The following ZNF514 variants were observed in gnomAD, a reference collection of about 807,000 sequenced individuals.
ZNF514 encodes zinc finger protein 514.
ZNF514 carries 12 observed loss-of-function variants against 9.7 expected under a neutral mutation model. That is an observed-to-expected ratio of 1.24 (90% CI 0.79 to 2.01). The LOEUF is 2.01. Among genes scored for constraint, ZNF514 ranks in the 30% most tolerant of loss-of-function variants. The probability of loss-of-function intolerance (pLI) is 0.00; values close to 1 mark genes in which losing one functional copy is unlikely to be tolerated. For synonymous variants in ZNF514, 158 were observed against 163.7 expected (o/e 0.97, Z 0.27); for missense variants, 467 against 465.5 (o/e 1.00, Z -0.03).
In ZNF514 at chr2:95,152,769, C is replaced by T. The variant is rs1673579192; in HGVS notation, c.122G>A (p.Gly41Asp). 1.2e-6 allele frequency: 2 copies of T among 1,613,738 alleles called. No individual in the cohort carries two copies. Among genetic ancestry groups the T allele is most frequent in the East Asian group, 2.2e-5 (1 of 44,886 alleles). Residue 41 changes from glycine to aspartate, a missense_variant and splice_region_variant, in exon 4 of 5, where the codon GGC (glycine) becomes GAC (aspartate). Transcript: ENST00000295208. ...CACATATGGTTTGGATACTAGAAGGCCTGATGGTAGAGAAGGAAAAGGATT... is the reference window on the plus strand; with the variant it reads ...CACATATGGTTTGGATACTAGAAGGTCTGATGGTAGAGAAGGAAAAGGATT... ...LENFRNLAILGLLVSKPYVIC... is the reference protein window; with the variant it reads ...LENFRNLAILDLLVSKPYVIC...
intron 2 of ZNF514, chr2:95,154,481 G>A (rs1673635658): frequency 6.6e-6 from 1 of 152,266 alleles, no homozygotes; most frequent in Non-Finnish European, 1.5e-5. Flanking sequence ...TATTGGCAAG[G>A]TGGCAACCCA....
chr2:95,157,537 A>C, intron 1 of ZNF514, 98 bp from the exon 2 acceptor site: 1 of 588,228 alleles, frequency 1.7e-6, no homozygotes, highest in Non-Finnish European at 2.8e-6. Flanking sequence ...TCTGAATGTC[A>C]CCTCCGTTGT....
downstream of ZNF514, among the ~76,000 whole-genome samples, chr2:95,141,106 G>C (rs990517751): frequency 6.6e-6 from 1 of 152,042 alleles, no homozygotes; most frequent in Non-Finnish European, 1.5e-5. Flanking sequence ...TGGGTAATGG[G>C]TGCACCAAAA....
At chr2:95,125,604 C>T in the ZNF514 span, among the ~76,000 whole-genome samples, 1 of 152,224 alleles carries the variant, frequency 6.6e-6, no homozygotes. Flanking sequence ...GTGCTACCAT[C>T]ACCACCATCT....
rs1401156920 is a variant in ZNF514, at chr2:95,150,200, G to T, written c.285C>A (p.Phe95Leu). 2 of 1,603,714 alleles carry T rather than the reference G, an allele frequency of 1.2e-6. No homozygotes were observed. The highest frequency in any genetic ancestry group is 1.7e-5 in the Admixed American group (1 of 59,512). The change falls in exon 5 of 5, where the codon TTC becomes TTA. Residue 95 changes from phenylalanine (F) to leucine (L), a missense_variant. Phe to Leu is a conservative substitution (Grantham distance 22). Transcript: ENST00000295208. The part of the protein sequence containing the change: ...PSWGISKEEL[F>L]QVVSVEKHIQ... ...TGTGTTTTTCCACTGATACTACCTG[G>T]AATAATTCTTCTTTGGAAATTCCCC...
chr2:95,126,371 C>CAAA, the ZNF514 span, among the ~76,000 whole-genome samples: 6 of 51,396 alleles, frequency 1.2e-4, no homozygotes, highest in African/African-American at 1.5e-4. Context: ...AACTCCATCT[C>CAAA]AAAAAAAAAA....
chr2:95,126,392 A>AAAGAAAG, the ZNF514 span, among the ~76,000 whole-genome samples: 5 of 84,452 alleles, frequency 5.9e-5, no homozygotes, highest in African/African-American at 1.7e-4. Flanking sequence ...AAAAAAAAAA[A>AAAGAAAG]AAAGAAAGAA....
chr2:95,151,819 C>G (rs1673553571), intron 4 of ZNF514, among the ~76,000 whole-genome samples: 1 of 152,148 alleles, frequency 6.6e-6, no homozygotes, highest in South Asian at 2.1e-4. Context: ...AAACAGATGA[C>G]TAGATCCAGA....
the ZNF514 span, among the ~76,000 whole-genome samples, chr2:95,139,500 T>C: frequency 6.6e-6 from 1 of 152,232 alleles, no homozygotes; most frequent in East Asian, 1.9e-4. Flanking sequence ...CAGAGTTGCA[T>C]GGGGACTGTA....
the ZNF514 span, among the ~76,000 whole-genome samples, chr2:95,133,611 G>A: frequency 6.6e-6 from 1 of 152,094 alleles, no homozygotes; most frequent in African/African-American, 2.4e-5. Flanking sequence ...AGAAAGGATG[G>A]TTGTGTCTGT....
chr2:95,159,266 A>ATTCTTAATGATAC lies in ZNF514; in HGVS notation c.-123_-122insGTATCATTAAGAA. 5.8e-6 allele frequency: 1 copy of ATTCTTAATGATAC among 172,628 alleles called. No individual in the cohort carries two copies. The highest frequency in any genetic ancestry group is 1.2e-5 in the Non-Finnish European group (1 of 80,560). 10.7% of individuals were successfully genotyped at this position (172,628 alleles called of 1,614,324 possible). ...CCCGGCTCGGCTCCTCCTCAGGACC[A>ATTCTTAATGATAC]GGCTCTGGAACCCAGCTCCCACGTG... is the stretch of plus-strand genomic sequence containing the variant. On this transcript the variant is annotated 5_prime_UTR_variant, in exon 1 of 5. In the 5' UTR this introduces an upstream ATG that the reference lacks. Coordinates refer to ENST00000295208, the MANE Select transcript of ZNF514 (RefSeq NM_032788.3).
At chr2:95,155,362 AGT>A (rs1466479639) in intron 2 of ZNF514, 9 of 152,242 alleles carry the variant, frequency 5.9e-5, no homozygotes, top group Admixed American at 6.5e-5. Context: ...GGGTCCTCAC[AGT>A]GTCTGTCCAG....
chr2:95,158,680 A>G (rs1673753288), intron 1 of ZNF514, among the ~76,000 whole-genome samples: 2 of 152,198 alleles, frequency 1.3e-5, no homozygotes, highest in Admixed American at 1.3e-4. Context: ...CGCAGCAGGA[A>G]GAGATCAGAT....
In ZNF514 at chr2:95,145,312, G is replaced by A. The variant is rs1203243520; in HGVS notation, c.*3970C>T. 2.6e-5 allele frequency among the ~76,000 whole-genome samples: 4 copies of A among 152,132 alleles called. No individual in the cohort carries two copies. The highest frequency in any genetic ancestry group is 5.9e-5 in the Non-Finnish European group (4 of 68,028). ...CTCTCTTTGGAATTCAGGCACAGTG[G>A]ACCAGCATTAACATTAAAACAGAGA... On this transcript the variant is annotated 3_prime_UTR_variant, in exon 5 of 5. Transcript: ENST00000295208.
At chr2:95,129,312 G>A in the ZNF514 span, among the ~76,000 whole-genome samples, 2 of 152,126 alleles carry the variant, frequency 1.3e-5, no homozygotes. Context: ...AACTCAATAA[G>A]AACAAAAGAG....
the ZNF514 span, among the ~76,000 whole-genome samples, chr2:95,128,492 G>A: frequency 1.3e-5 from 2 of 152,240 alleles, no homozygotes; most frequent in South Asian, 4.1e-4. Flanking sequence ...GGAGGCGGAG[G>A]TTGCAGTGAG....
At chr2:95,151,767 G>A (rs532606023) in intron 4 of ZNF514, among the ~76,000 whole-genome samples, 2 of 152,270 alleles carry the variant, frequency 1.3e-5, no homozygotes, top group Admixed American at 6.5e-5. Context: ...AGCTCCCTGG[G>A]ACATTCTGAA....
chr2:95,144,263 G>T (rs1558697249), downstream of ZNF514, among the ~76,000 whole-genome samples: 1 of 152,186 alleles, frequency 6.6e-6, no homozygotes, highest in Non-Finnish European at 1.5e-5. Flanking sequence ...GTGACTGACA[G>T]TTGGCCTCTA....
intron 2 of ZNF514, 131 bp from the exon 3 acceptor site, chr2:95,153,390 C>A (rs1414254562): frequency 1.1e-5 from 9 of 821,136 alleles, no homozygotes; most frequent in Middle Eastern, 2.5e-4. Flanking sequence ...AAATGTAATA[C>A]ATTTCCTCAT....
Sources: gnomAD v4.1 joint callset for allele counts (sites outside exome capture counted in the v4.1 genomes callset) on GRCh38, gnomAD v4.1.1 for gene constraint, MANE v1.5 for transcripts, NCBI Gene and HGNC (gene_info 2026-07-23, HGNC 2026-07-21) for gene names.